UBE2H: variants seen among roughly 807,000 people sequenced by gnomAD.
UBE2H encodes the protein ubiquitin conjugating enzyme E2 H, also known as ubiquitin-conjugating enzyme E2 H.
Under a neutral mutation model 29.0 loss-of-function variants are expected in UBE2H, and 3 were observed. That is an observed-to-expected ratio of 0.10 (90% CI 0.05 to 0.27). The LOEUF is 0.27. Among genes scored for constraint, UBE2H ranks in the 10% least tolerant of loss-of-function variants. UBE2H has a pLI of 1.00. For missense variants in UBE2H, 68 were observed against 228.2 expected (o/e 0.30, Z 4.52); for synonymous variants, 69 against 82.9 (o/e 0.83, Z 0.91).
chr7:129,860,093 G>C (rs1805773061), intron 3 of UBE2H, among the ~76,000 whole-genome samples: 1 of 152,242 alleles, frequency 6.6e-6, no homozygotes, highest in South Asian at 2.1e-4. Flanking sequence ...GAAAGATGCA[G>C]AGAAATGGCA....
chr7:129,876,624 A>G (rs1290359120), intron 3 of UBE2H, among the ~76,000 whole-genome samples: 6 of 152,218 alleles, frequency 3.9e-5, no homozygotes, highest in Admixed American at 1.3e-4. Flanking sequence ...CTTTGGGCTT[A>G]AATGACTGTT....
chr7:129,862,686 T>C (rs975013475), intron 3 of UBE2H, among the ~76,000 whole-genome samples: 1 of 152,184 alleles, frequency 6.6e-6, no homozygotes, highest in African/African-American at 2.4e-5. Context: ...GCTTGCCTGA[T>C]GCTCTGAAGT....
rs567396968 is a variant in UBE2H, at chr7:129,897,717, T to C, written c.54-16746A>G. ...TTTATTCAACTGGGCCCAGTTTCCA[T>C]TGTCCCTTTGGAAGATTTATGAGAG... On this transcript the variant is annotated intron_variant, in intron 1 of 6. Coordinates refer to ENST00000355621, the MANE Select transcript of UBE2H (RefSeq NM_003344.4). 7.2e-5 allele frequency among the ~76,000 whole-genome samples: 11 copies of C among 152,266 alleles called. No homozygotes were observed. In the South Asian group the frequency reaches 1.5e-3, roughly 20 times the overall value.
chr7:129,952,825 G>T lies in UBE2H; in HGVS notation c.-270C>A. On this transcript the variant is annotated 5_prime_UTR_variant, in exon 1 of 7. Coordinates refer to ENST00000355621, the MANE Select transcript of UBE2H (RefSeq NM_003344.4). ...CGCGGCCCTGCCCCGGCGCTCCTCT[G>T]CGCCGCGCGACGCTCCCTCCTGCCT... 1 of 275,610 alleles carries T rather than the reference G, an allele frequency of 3.6e-6. No individual in the cohort carries two copies. The highest frequency in any genetic ancestry group is 2.2e-5 in the African/African-American group (1 of 44,732). 17.1% of individuals were successfully genotyped at this position (275,610 alleles called of 1,614,324 possible). A position where few individuals can be genotyped will look rare whatever the true frequency, so the allele number is the denominator to read the frequency against.
intron 3 of UBE2H, among the ~76,000 whole-genome samples, chr7:129,875,475 T>C (rs1272849708): frequency 6.6e-6 from 1 of 152,212 alleles, no homozygotes; most frequent in Non-Finnish European, 1.5e-5. Flanking sequence ...CATTTCTAAA[T>C]ATTTCTTTAG....
Position 129,952,681 on chromosome 7 carries a change from T to G in UBE2H, c.-126A>C. The G allele has an allele frequency of 9.0e-7, 1 of 1,113,494 alleles. No homozygotes were observed. The highest frequency in any genetic ancestry group is 1.2e-6 in the Non-Finnish European group (1 of 840,950). The allele number at this position is 1,113,494 out of a possible 1,614,324, so 69.0% of individuals were successfully genotyped here. A position where few individuals can be genotyped will look rare whatever the true frequency, so the allele number is the denominator to read the frequency against. ...GGCAACACCCCCGCGGTCCCGGCGGTCCCGTCAGCCGCCGCCGCCGCCCCC... is the reference window on the plus strand; with the variant it reads ...GGCAACACCCCCGCGGTCCCGGCGGGCCCGTCAGCCGCCGCCGCCGCCCCC... On this transcript the variant is annotated 5_prime_UTR_variant, in exon 1 of 7. Transcript: ENST00000355621.
chr7:129,890,230 C>CAT lies in UBE2H; in HGVS notation c.54-9261_54-9260dup, dbSNP rs566746186. ...CTCTCAGACAGGTAAAGTGATACCA[C>CAT]ATATATATATACACACGTATACATA... On this transcript the variant is annotated intron_variant, in intron 1 of 6. Coordinates refer to ENST00000355621, the MANE Select transcript of UBE2H (RefSeq NM_003344.4). Among the ~76,000 whole-genome samples, 36 of 151,618 alleles carry CAT rather than the reference C, an allele frequency of 2.4e-4. No individual in the cohort carries two copies. In the East Asian group the frequency reaches 2.7e-3, roughly 11 times the overall value.
chr7:129,856,943 T>C (rs1805715955), intron 5 of UBE2H: 1 of 152,270 alleles, frequency 6.6e-6, no homozygotes, highest in South Asian at 2.1e-4. Flanking sequence ...AAAGGCCTGA[T>C]GCTCTTTATA....
chr7:129,851,634 G>A lies in UBE2H; in HGVS notation c.298+5877C>T, dbSNP rs137947961. Among the ~76,000 whole-genome samples, 812 of 152,278 alleles carry A rather than the reference G, an allele frequency of 5.3e-3. 1 individual carries two copies. The highest frequency in any genetic ancestry group is 8.7e-3 in the Non-Finnish European group (590 of 68,018). Reference sequence around the variant, plus strand: ...CAAGCCCTAAAATCAGAGCCCCTACGAAAGTAGAGCATAGCTGTGGCTGTC... The same window carrying A: ...CAAGCCCTAAAATCAGAGCCCCTACAAAAGTAGAGCATAGCTGTGGCTGTC... On this transcript the variant is annotated intron_variant, in intron 5 of 6. Coordinates refer to ENST00000355621, the MANE Select transcript of UBE2H (RefSeq NM_003344.4).
chr7:129,862,644 G>A (rs1287038110), intron 3 of UBE2H, among the ~76,000 whole-genome samples: 1 of 152,208 alleles, frequency 6.6e-6, no homozygotes, highest in Non-Finnish European at 1.5e-5. Flanking sequence ...GGTCACTATA[G>A]AGGGAACAGC....
chr7:129,840,257 C>G (rs1031363049), intron 5 of UBE2H, among the ~76,000 whole-genome samples: 1 of 152,022 alleles, frequency 6.6e-6, no homozygotes, highest in Non-Finnish European at 1.5e-5. Flanking sequence ...GTGATCATAC[C>G]TCACTGCAAC....
intron 5 of UBE2H, among the ~76,000 whole-genome samples, chr7:129,856,072 G>A (rs1805700152): frequency 6.6e-6 from 1 of 152,136 alleles, no homozygotes; most frequent in East Asian, 1.9e-4. Flanking sequence ...AATATCCCAG[G>A]TAGAGAAAAT....
intron 5 of UBE2H, among the ~76,000 whole-genome samples, chr7:129,849,226 G>C (rs752781631): frequency 6.6e-6 from 1 of 152,034 alleles, no homozygotes; most frequent in Non-Finnish European, 1.5e-5. Context: ...AAAACCAATC[G>C]GATAGGCAGG....
chr7:129,835,956 G>A (rs570162644), intron 6 of UBE2H, among the ~76,000 whole-genome samples: 1 of 152,276 alleles, frequency 6.6e-6, no homozygotes, highest in Admixed American at 6.5e-5. Context: ...CTAGCACAGG[G>A]CCTAGCTAAG....
At chr7:129,864,672 C>T (rs1805867182) in intron 3 of UBE2H, among the ~76,000 whole-genome samples, 2 of 151,548 alleles carry the variant, frequency 1.3e-5, no homozygotes, top group Non-Finnish European at 2.9e-5. Flanking sequence ...CTGCCTCAGC[C>T]TCTCAAGTAG....
At chr7:129,926,508 CAAAAA>C (rs535498835) in intron 1 of UBE2H, among the ~76,000 whole-genome samples, 1 of 124,956 alleles carries the variant, frequency 8.0e-6, no homozygotes, top group Non-Finnish European at 1.7e-5. Context: ...AACTCCGTCT[CAAAAA>C]AAAAAAAAGA....
intron 1 of UBE2H, among the ~76,000 whole-genome samples, chr7:129,912,001 T>G (rs1806947207): frequency 6.6e-6 from 1 of 152,136 alleles, no homozygotes; most frequent in Non-Finnish European, 1.5e-5. Flanking sequence ...GAATGAAGCC[T>G]AAGGGAAAAA....
At chr7:129,924,162 G>A (rs979947855) in intron 1 of UBE2H, among the ~76,000 whole-genome samples, 1 of 152,180 alleles carries the variant, frequency 6.6e-6, no homozygotes, top group Non-Finnish European at 1.5e-5. Context: ...ACTTGAGCCT[G>A]GGAGTTAGAG....
intron 1 of UBE2H, among the ~76,000 whole-genome samples, chr7:129,939,350 T>C (rs1035222727): frequency 2.6e-4 from 39 of 152,274 alleles, no homozygotes; most frequent in Middle Eastern, 3.4e-3. Flanking sequence ...AAGTGAGCAT[T>C]TGTTACCCAG....
Sources: gnomAD v4.1 joint callset for allele counts (sites outside exome capture counted in the v4.1 genomes callset) on GRCh38, gnomAD v4.1.1 for gene constraint, MANE v1.5 for transcripts, NCBI Gene and HGNC (gene_info 2026-07-23, HGNC 2026-07-21) for gene names.